NR2C1: variants seen among roughly 807,000 people sequenced by gnomAD.
NR2C1 encodes the protein TR2 nuclear hormone receptor.
NR2C1 carries 33 observed loss-of-function variants against 74.8 expected under a neutral mutation model. The observed-to-expected ratio is 0.44, with a 90% CI of 0.33 to 0.59. The LOEUF (loss-of-function observed/expected upper bound fraction) is 0.59, where lower values mean the gene tolerates loss of function less well. Among genes scored for constraint, NR2C1 ranks in the 20% least tolerant of loss-of-function variants. The probability of loss-of-function intolerance (pLI) is 0.02; values close to 1 mark genes in which losing one functional copy is unlikely to be tolerated. For missense variants in NR2C1, 568 were observed against 715.6 expected (o/e 0.79, Z 2.35); for synonymous variants, 225 against 240.6 (o/e 0.94, Z 0.60).
At chr12:95,053,144 T>C (rs1873280952) in intron 7 of NR2C1, among the ~76,000 whole-genome samples, 1 of 152,034 alleles carries the variant, frequency 6.6e-6, no homozygotes, top group Non-Finnish European at 1.5e-5. Context: ...CAGCTAATTT[T>C]TTAATTTTTT....
chr12:95,031,506 A>G lies in NR2C1; in HGVS notation c.1254-18T>C. The G allele has an allele frequency of 6.4e-7, 1 of 1,561,796 alleles. No homozygotes were observed. Among genetic ancestry groups the G allele is most frequent in the Admixed American group, 2.0e-5 (1 of 48,960 alleles). The stretch of plus-strand genomic sequence containing the variant: ...TTTCTTGCCTATTAAAAACAGTAAT[A>G]AAAGCACAAATCAGATATTATTAAA... On this transcript the variant is annotated intron_variant, in intron 10 of 13. Transcript: ENST00000333003.
At position 95,028,402 on chromosome 12, in the gene NR2C1, C is replaced by T. The variant is rs1390266857; in HGVS notation, c.1516G>A (p.Val506Ile). ...GYEYAYLKAIVLFSPDHPSLE... is the reference protein window; with the variant it reads ...GYEYAYLKAIILFSPDHPSLE... ...GTTTATATACCTGGACTGAAGAGTA[C>T]TATTGCCTTCAGGTAGGCATATTCG... is the stretch of plus-strand genomic sequence containing the variant. Residue 506 changes from valine to isoleucine, a missense_variant, in exon 12 of 14, where the codon GTA becomes ATA. By Grantham distance (29) the Val-to-Ile change is conservative. This residue lies in a region of NR2C1 where 117 missense variants were observed against 186.7 expected (regional missense o/e 0.63). Transcript: ENST00000333003. The T allele has an allele frequency of 3.7e-6, 6 of 1,610,154 alleles. No individual in the cohort carries two copies. Among genetic ancestry groups the T allele is most frequent in the Non-Finnish European group, 5.1e-6 (6 of 1,177,380 alleles).
At chr12:95,065,471 T>A (rs991278962) in intron 2 of NR2C1, among the ~76,000 whole-genome samples, 97 of 152,316 alleles carry the variant, frequency 6.4e-4, no homozygotes, top group African/African-American at 1.9e-3. Flanking sequence ...ATAATTTTTT[T>A]AAATTTATTT....
intron 8 of NR2C1, among the ~76,000 whole-genome samples, chr12:95,050,221 A>G (rs1455349949): frequency 2.6e-5 from 4 of 152,228 alleles, no homozygotes; most frequent in African/African-American, 9.7e-5. Flanking sequence ...ATATTTTTCA[A>G]TAAGCCTCCT....
intron 10 of NR2C1, among the ~76,000 whole-genome samples, chr12:95,035,180 T>C (rs2136111685): frequency 6.6e-6 from 1 of 152,270 alleles, no homozygotes; most frequent in East Asian, 1.9e-4. Context: ...AAGAATAGGA[T>C]GTGTAAATAT....
intron 10 of NR2C1, among the ~76,000 whole-genome samples, chr12:95,031,707 T>G (rs995905720): frequency 6.6e-6 from 1 of 152,208 alleles, no homozygotes; most frequent in East Asian, 1.9e-4. Context: ...AGCCAGTTTA[T>G]AAGAACAATT....
rs766159167 is a variant in NR2C1 at position 95,030,650 on chromosome 12, G to A, written c.1393+699C>T. On this transcript the variant is annotated intron_variant, in intron 11 of 13. Coordinates refer to ENST00000333003, the MANE Select transcript of NR2C1 (RefSeq NM_003297.4). ...CTCTGCTGTTAAACATAAGGAGGAA[G>A]CAAATGATTTAAAAATTATATAAAA... 6.8e-6 allele frequency: 11 copies of A among 1,610,230 alleles called. No individual in the cohort carries two copies. In the African/African-American group the frequency reaches 1.3e-4, roughly 20 times the overall value.
intron 9 of NR2C1, among the ~76,000 whole-genome samples, chr12:95,041,276 G>A (rs971284772): frequency 9.9e-5 from 15 of 151,986 alleles, no homozygotes; most frequent in East Asian, 3.9e-4. Context: ...TCACGATGTC[G>A]AGAGATCGAG....
intron 3 of NR2C1, among the ~76,000 whole-genome samples, chr12:95,062,119 T>C (rs1178892946): frequency 6.6e-6 from 1 of 152,206 alleles, no homozygotes. Context: ...TTTGACAATT[T>C]CCTAATTATG....
At chr12:95,030,095 C>T (rs375030176) in intron 11 of NR2C1, among the ~76,000 whole-genome samples, 1 of 152,058 alleles carries the variant, frequency 6.6e-6, no homozygotes, top group African/African-American at 2.4e-5. Context: ...AGGCTAGTCT[C>T]GAACTCCTAG....
chr12:95,059,964 TG>T lies in NR2C1; in HGVS notation c.305del (p.Pro102GlnfsTer13). On this transcript the variant is annotated frameshift_variant, in exon 4 of 14. Transcript: ENST00000333003. LOFTEE classifies it high-confidence loss of function. ...CAAAAACCTTATTTGGTCCTTGGTC[TG>T]GAGAATTATCTGTTAGGAGCTAAAA... ...QHLQLLTDNS[P>X]DQGPNKVFDL... The T allele has an allele frequency of 6.5e-7, 1 of 1,547,314 alleles. No individual in the cohort carries two copies. Among genetic ancestry groups the T allele is most frequent in the Non-Finnish European group, 8.7e-7 (1 of 1,143,652 alleles).
intron 10 of NR2C1, among the ~76,000 whole-genome samples, chr12:95,031,898 T>A (rs1870160322): frequency 6.6e-6 from 1 of 152,224 alleles, no homozygotes. Context: ...GACAGAGTCT[T>A]GCTCTGTTGC....
intron 9 of NR2C1, among the ~76,000 whole-genome samples, chr12:95,041,006 A>G (rs1160204523): frequency 6.6e-6 from 1 of 152,196 alleles, no homozygotes; most frequent in African/African-American, 2.4e-5. Flanking sequence ...AAATGCTTAC[A>G]AAGCCAGGAG....
intron 3 of NR2C1, among the ~76,000 whole-genome samples, chr12:95,062,021 A>G (rs988499252): frequency 2.6e-5 from 4 of 152,234 alleles, no homozygotes; most frequent in South Asian, 4.1e-4. Context: ...GCCAGCAGCT[A>G]TAGTCCAAAC....
intron 7 of NR2C1, among the ~76,000 whole-genome samples, 183 bp from the exon 8 acceptor site, chr12:95,052,126 G>A (rs1200148045): frequency 1.3e-5 from 2 of 151,186 alleles, no homozygotes; most frequent in Admixed American, 6.6e-5. Context: ...AACATCAAGT[G>A]TATTTCTTAA....
intron 9 of NR2C1, among the ~76,000 whole-genome samples, chr12:95,042,720 TGTAA>T (rs1345571962): frequency 8.5e-5 from 13 of 152,160 alleles, no homozygotes; most frequent in Admixed American, 3.3e-4. Context: ...GTTGAAATTC[TGTAA>T]GTGAGAAGAA....
chr12:95,053,681 GTTTTT>G (rs550069594), intron 7 of NR2C1, among the ~76,000 whole-genome samples: 1 of 103,412 alleles, frequency 9.7e-6, no homozygotes, highest in Non-Finnish European at 1.9e-5. Context: ...TCTTTTTGGT[GTTTTT>G]TTTTTTTTTT....
At chr12:95,041,557 G>A (rs755058400) in intron 9 of NR2C1, among the ~76,000 whole-genome samples, 2 of 152,152 alleles carry the variant, frequency 1.3e-5, no homozygotes, top group Non-Finnish European at 2.9e-5. Context: ...AGGTATGCCT[G>A]TGGACATACT....
In NR2C1 at chr12:95,062,514, G is replaced by A; in HGVS notation, c.279C>T (p.His93=). 6.2e-7 allele frequency: 1 copy of A among 1,600,038 alleles called. No individual in the cohort carries two copies. The highest frequency in any genetic ancestry group is 1.1e-5 in the South Asian group (1 of 89,858). Residue 93 remains histidine, a synonymous_variant, in exon 3 of 14, where the codon CAC becomes CAT. Transcript: ENST00000333003. Reference sequence around the variant, plus strand: ...CACTTCTATAGTTATTTACCTGCAGGTGTTGTGCAGACAGATCAGGAGTGG... The same window carrying A: ...CACTTCTATAGTTATTTACCTGCAGATGTTGTGCAGACAGATCAGGAGTGG... ...FFTTPDLSAQ[H]LQLLTDNSPD... is the part of the protein sequence containing the mutation.
Sources: gnomAD v4.1 joint callset for allele counts (sites outside exome capture counted in the v4.1 genomes callset) on GRCh38, gnomAD v4.1.1 for gene constraint, gnomAD v4.1.1 regional missense constraint, MANE v1.5 for transcripts, NCBI Gene and HGNC (gene_info 2026-07-23, HGNC 2026-07-21) for gene names.